Variants in EPHA5 observed in about 807,000 individuals in gnomAD.
The protein encoded by EPHA5 is EPH receptor A5, also known as ephrin type-A receptor 5.
Under a neutral mutation model 105.0 loss-of-function variants are expected in EPHA5, and 60 were observed. The observed-to-expected ratio is 0.57, with a 90% confidence interval of 0.46 to 0.71. The LOEUF is 0.71. Among genes scored for constraint, EPHA5 ranks in the 30% least tolerant of loss-of-function variants. The pLI is 0.00. For missense variants in EPHA5, 1,218 were observed against 1,274.7 expected, an observed-to-expected ratio of 0.96 and a Z score of 0.68; for synonymous variants, 513 against 449.1, an observed-to-expected ratio of 1.14 and a Z score of -1.80.
chr4:65,550,150 C>G (rs971385387), intron 3 of EPHA5, among the ~76,000 whole-genome samples: 11 of 151,364 alleles, frequency 7.3e-5, no homozygotes, highest in African/African-American at 2.4e-4. Flanking sequence ...TTATGATAAT[C>G]AAATTTTTTT....
chr4:65,552,076 C>T (rs1737975461), intron 3 of EPHA5, among the ~76,000 whole-genome samples: 1 of 152,162 alleles, frequency 6.6e-6, no homozygotes, highest in African/African-American at 2.4e-5. Context: ...CGTTTTCATT[C>T]ACAGCAGAGG....
intron 5 of EPHA5, among the ~76,000 whole-genome samples, chr4:65,446,746 T>G (rs545918164): frequency 1.1e-3 from 175 of 152,218 alleles, no homozygotes; most frequent in African/African-American, 3.8e-3. Context: ...GTGGAGGGAT[T>G]GGGGGTCATT....
At chr4:65,384,183 C>A (rs1192157605) in intron 8 of EPHA5, among the ~76,000 whole-genome samples, 1 of 151,948 alleles carries the variant, frequency 6.6e-6, no homozygotes, top group Non-Finnish European at 1.5e-5. Context: ...TACCCATGCG[C>A]CTTTTTCCAT....
At chr4:65,534,600 G>A (rs1303588845) in intron 3 of EPHA5, among the ~76,000 whole-genome samples, 2 of 152,282 alleles carry the variant, frequency 1.3e-5, no homozygotes, top group South Asian at 2.1e-4. Context: ...GTCATCAAAA[G>A]TAGACATATC....
chr4:65,494,502 C>T (rs771805064), intron 4 of EPHA5, among the ~76,000 whole-genome samples: 1 of 152,150 alleles, frequency 6.6e-6, no homozygotes, highest in Non-Finnish European at 1.5e-5. Context: ...TGATTTGCTA[C>T]AGAGACTTTC....
intron 9 of EPHA5, among the ~76,000 whole-genome samples, chr4:65,366,665 C>T (rs971686717): frequency 2.0e-5 from 3 of 151,590 alleles, no homozygotes; most frequent in African/African-American, 4.8e-5. Context: ...AAATAAGATA[C>T]GATTAGGAAA....
intron 5 of EPHA5, among the ~76,000 whole-genome samples, chr4:65,483,017 C>T (rs1238760746): frequency 6.6e-6 from 1 of 152,106 alleles, no homozygotes; most frequent in East Asian, 1.9e-4. Flanking sequence ...TCACGCCCTC[C>T]ACCCCACAAC....
Position 65,503,904 on chromosome 4 carries a change from G to A in EPHA5, c.911-8361C>T, listed in dbSNP as rs894294909. On this transcript the variant is annotated intron_variant, in intron 3 of 16. Coordinates refer to ENST00000613740, the MANE Select transcript of EPHA5 (RefSeq NM_001281766.3). ...GACAATTTTAATAGCATTCATGTGT[G>A]TGATACACACACACACACACACACA... Among the ~76,000 whole-genome samples the A allele has an allele frequency of 3.5e-5, 3 of 84,652 alleles. No homozygotes were observed. The South Asian group carries it at 1.5e-3, about 41-fold the overall frequency. 55.5% of individuals were successfully genotyped at this position (84,652 alleles called of 152,430 possible).
At chr4:65,609,093 A>G (rs1263614330) in intron 2 of EPHA5, among the ~76,000 whole-genome samples, 3 of 152,220 alleles carry the variant, frequency 2.0e-5, no homozygotes, top group Non-Finnish European at 4.4e-5. Flanking sequence ...ATTGGGCAAC[A>G]GAAGCATCTC....
chr4:65,508,101 C>A (rs1050976624), intron 3 of EPHA5, among the ~76,000 whole-genome samples: 2 of 151,918 alleles, frequency 1.3e-5, no homozygotes, highest in South Asian at 4.1e-4. Flanking sequence ...AGTACATGGG[C>A]TTTTGTGAGC....
chr4:65,354,751 T>A (rs528941534), intron 11 of EPHA5, among the ~76,000 whole-genome samples: 1 of 151,834 alleles, frequency 6.6e-6, no homozygotes, highest in African/African-American at 2.4e-5. Flanking sequence ...AACATATGAT[T>A]AATACATATG....
At chr4:65,436,709 A>G (rs1437899248) in intron 5 of EPHA5, among the ~76,000 whole-genome samples, 1 of 151,982 alleles carries the variant, frequency 6.6e-6, no homozygotes, top group Admixed American at 6.6e-5. Flanking sequence ...AAATCACCAT[A>G]AGATCAAATA....
chr4:65,633,066 GC>G (rs995192110), intron 2 of EPHA5, among the ~76,000 whole-genome samples: 3 of 152,016 alleles, frequency 2.0e-5, no homozygotes, highest in Admixed American at 2.0e-4. Context: ...TTCAGGTTGA[GC>G]AGTTTGGGAC....
At chr4:65,367,302 T>C in intron 9 of EPHA5, 55 bp downstream of exon 9, 1 of 1,424,736 alleles carries the variant, frequency 7.0e-7, no homozygotes. Flanking sequence ...GAAACTTAAA[T>C]AACAATAAAG....
intron 3 of EPHA5, among the ~76,000 whole-genome samples, chr4:65,516,159 G>A (rs1376147848): frequency 6.6e-6 from 1 of 151,988 alleles, no homozygotes; most frequent in Non-Finnish European, 1.5e-5. Context: ...GTCTAAAATC[G>A]ACCTATAACT....
chr4:65,608,408 G>A (rs1454361530), intron 2 of EPHA5, among the ~76,000 whole-genome samples: 2 of 151,958 alleles, frequency 1.3e-5, no homozygotes, highest in African/African-American at 4.8e-5. Flanking sequence ...GGAGGCTGAG[G>A]CAGGAGAATG....
In EPHA5 at chr4:65,601,081, T is replaced by C. The variant is rs546303145; in HGVS notation, c.910+560A>G. Among the ~76,000 whole-genome samples, 48 of 152,346 alleles carry C rather than the reference T, an allele frequency of 3.2e-4. No homozygotes were observed. In the Middle Eastern group the frequency reaches 0.01, roughly 32 times the overall value. ...TGCATTTAAAAATATCTGTAATTTT[T>C]AAAAAGCAAGCATGTAATTACAACC... On this transcript the variant is annotated intron_variant, in intron 3 of 16. Coordinates refer to ENST00000613740, the MANE Select transcript of EPHA5 (RefSeq NM_001281766.3).
rs759129987 is a variant in EPHA5 at position 65,433,804 on chromosome 4, G to A, written c.1403-13239C>T. Among the ~76,000 whole-genome samples, 3 of 152,136 alleles carry A rather than the reference G, an allele frequency of 2.0e-5. No individual in the cohort carries two copies. The South Asian group carries it at 6.2e-4, about 32-fold the overall frequency. On this transcript the variant is annotated intron_variant, in intron 5 of 16. Transcript: ENST00000613740. ...CACTTGGCTGGGCGCAGTGGCTCATGCCTGTAACCCCATCATTTTGGGAGG... is the reference window on the plus strand; with the variant it reads ...CACTTGGCTGGGCGCAGTGGCTCATACCTGTAACCCCATCATTTTGGGAGG...
At chr4:65,437,012 A>T (rs1725543354) in intron 5 of EPHA5, among the ~76,000 whole-genome samples, 1 of 152,034 alleles carries the variant, frequency 6.6e-6, no homozygotes, top group Non-Finnish European at 1.5e-5. Flanking sequence ...ATGGTGTGCT[A>T]ATTTTTATAA....
Sources: gnomAD v4.1 joint callset for allele counts (sites outside exome capture counted in the v4.1 genomes callset) on GRCh38, gnomAD v4.1.1 for gene constraint, MANE v1.5 for transcripts, NCBI Gene and HGNC (gene_info 2026-07-23, HGNC 2026-07-21) for gene names.